The following OSBPL10 variants were observed in gnomAD, a reference collection of about 807,000 sequenced individuals.
OSBPL10 encodes oxysterol binding protein like 10.
OSBPL10 carries 49 observed loss-of-function variants against 81.7 expected under a neutral mutation model. The ratio of observed to expected loss-of-function variants is 0.60; its 90% CI spans 0.48 to 0.76. OSBPL10 has a LOEUF of 0.76. Among genes scored for constraint, OSBPL10 ranks in the 30% least tolerant of loss-of-function variants. The pLI is 0.00. For synonymous variants in OSBPL10, 419 were observed against 383.6 expected (o/e 1.09, Z -1.08); for missense variants, 923 against 987.8 (o/e 0.93, Z 0.88).
At chr3:31,734,094 C>G (rs1007536057) in intron 5 of OSBPL10, among the ~76,000 whole-genome samples, 1 of 152,084 alleles carries the variant, frequency 6.6e-6, no homozygotes, top group African/African-American at 2.4e-5. Flanking sequence ...GGTTTGAATT[C>G]TAAGTGACAC....
At chr3:31,797,916 C>T (rs2125442984) in intron 4 of OSBPL10, 1 of 398,000 alleles carries the variant, frequency 2.5e-6, no homozygotes, top group Admixed American at 2.8e-5. Context: ...CAACCTGGAA[C>T]CCACTACATT....
intron 2 of OSBPL10, among the ~76,000 whole-genome samples, chr3:32,041,242 C>T (rs1699572311): frequency 6.6e-6 from 1 of 152,130 alleles, no homozygotes; most frequent in Non-Finnish European, 1.5e-5. Flanking sequence ...GTTCCCACGC[C>T]CTGATGGAAT....
intron 4 of OSBPL10, among the ~76,000 whole-genome samples, chr3:31,780,837 C>G (rs946877377): frequency 4.0e-5 from 6 of 149,328 alleles, no homozygotes; most frequent in East Asian, 2.0e-4. Context: ...CCCCACCCCC[C>G]CAAAAAACAG....
chr3:31,682,130 T>A (rs1700665124), intron 8 of OSBPL10, among the ~76,000 whole-genome samples: 1 of 152,188 alleles, frequency 6.6e-6, no homozygotes, highest in Admixed American at 6.5e-5. Context: ...CTTCCTCCAC[T>A]ATTTTCCACC....
intron 1 of OSBPL10, among the ~76,000 whole-genome samples, chr3:31,964,349 G>C (rs1308839410): frequency 2.6e-5 from 4 of 152,088 alleles, no homozygotes; most frequent in Non-Finnish European, 5.9e-5. Flanking sequence ...TACAGACAGG[G>C]TTTAGCCAGG....
At chr3:31,950,933 G>A (rs1697851910) in intron 1 of OSBPL10, among the ~76,000 whole-genome samples, 1 of 152,174 alleles carries the variant, frequency 6.6e-6, no homozygotes, top group African/African-American at 2.4e-5. Flanking sequence ...TGCCTGTACA[G>A]TCTTCACAAC....
chr3:32,032,314 C>T (rs1699477273), intron 2 of OSBPL10, among the ~76,000 whole-genome samples: 1 of 151,966 alleles, frequency 6.6e-6, no homozygotes, highest in Non-Finnish European at 1.5e-5. Context: ...ACTCAGGAGG[C>T]TAAGGTGGGA....
chr3:31,979,763 C>T (rs1330415383), intron 1 of OSBPL10, among the ~76,000 whole-genome samples: 2 of 151,794 alleles, frequency 1.3e-5, no homozygotes, highest in Non-Finnish European at 2.9e-5. Context: ...CTGTTCTTGT[C>T]TTCCTCACGA....
In OSBPL10 at chr3:31,912,222, C is replaced by T. The variant is rs150938353; in HGVS notation, c.282-32392G>A. On this transcript the variant is annotated intron_variant, in intron 1 of 11. Coordinates refer to ENST00000396556, the MANE Select transcript of OSBPL10 (RefSeq NM_017784.5). ...CAGCCTGGCTAACACGGTGAAACTCCGTCTCTATTAAAAATACAAAAATTA... is the reference window on the plus strand; with the variant it reads ...CAGCCTGGCTAACACGGTGAAACTCTGTCTCTATTAAAAATACAAAAATTA... Among the ~76,000 whole-genome samples, 10 of 151,922 alleles carry T rather than the reference C, an allele frequency of 6.6e-5. No homozygotes were observed. The East Asian group carries it at 1.6e-3, about 24-fold the overall frequency.
chr3:31,747,266 C>T (rs1199606023), intron 5 of OSBPL10, among the ~76,000 whole-genome samples: 1 of 151,322 alleles, frequency 6.6e-6, no homozygotes, highest in African/African-American at 2.4e-5. Flanking sequence ...TGTAGTGAGC[C>T]GAGATTGTGC....
intron 1 of OSBPL10, among the ~76,000 whole-genome samples, chr3:32,070,458 T>A (rs1699820781): frequency 6.6e-6 from 1 of 152,146 alleles, no homozygotes; most frequent in Non-Finnish European, 1.5e-5. Context: ...CAAAGCCTCC[T>A]TCGTGTCTTC....
At position 31,923,262 on chromosome 3, in the gene OSBPL10, C is replaced by T. The variant is rs867618332; in HGVS notation, c.282-43432G>A. Among the ~76,000 whole-genome samples, 49 of 152,224 alleles carry T rather than the reference C, an allele frequency of 3.2e-4. No homozygotes were observed. In the Middle Eastern group the frequency reaches 0.01, roughly 32 times the overall value. ...CACCAATTTGGTTAATTAACATTGT[C>T]CCTGGTTAACATATGGCTGTTGTCC... On this transcript the variant is annotated intron_variant, in intron 1 of 11. Transcript: ENST00000396556.
chr3:32,044,379 T>A (rs1407029681), intron 2 of OSBPL10, among the ~76,000 whole-genome samples: 1 of 148,310 alleles, frequency 6.7e-6, no homozygotes, highest in Non-Finnish European at 1.5e-5. Context: ...ATATATATAA[T>A]AAATAATAAT....
chr3:31,700,654 G>T (rs1442347600), intron 7 of OSBPL10, among the ~76,000 whole-genome samples: 1 of 152,158 alleles, frequency 6.6e-6, no homozygotes, highest in East Asian at 1.9e-4. Flanking sequence ...CTCACTAATG[G>T]TTCATGACCC....
At chr3:31,783,052 TAAG>T (rs1698737793) in intron 4 of OSBPL10, among the ~76,000 whole-genome samples, 1 of 149,680 alleles carries the variant, frequency 6.7e-6, no homozygotes, top group South Asian at 2.1e-4. Flanking sequence ...GCCCATCAAT[TAAG>T]GAGTGGATGA....
At chr3:31,834,852 C>T (rs548951851) in intron 3 of OSBPL10, among the ~76,000 whole-genome samples, 1 of 152,240 alleles carries the variant, frequency 6.6e-6, no homozygotes, top group Admixed American at 6.5e-5. Flanking sequence ...AAGTCAACTG[C>T]CTGAGTTCAA....
intron 6 of OSBPL10, among the ~76,000 whole-genome samples, chr3:31,723,539 TACACACACACAC>T (rs35189802): frequency 1.6e-5 from 2 of 125,036 alleles, no homozygotes; most frequent in Non-Finnish European, 3.2e-5. Context: ...CTCTGTTTCT[TACACACACACAC>T]ACACACACAC....
intron 2 of OSBPL10, among the ~76,000 whole-genome samples, chr3:32,006,995 T>C (rs886342979): frequency 1.3e-5 from 2 of 152,162 alleles, no homozygotes; most frequent in East Asian, 1.9e-4. Flanking sequence ...CTCAAACTCC[T>C]AGCTTCAAGT....
intron 4 of OSBPL10, 67 bp downstream of exon 4, chr3:31,829,973 G>A (rs530315136): frequency 1.2e-5 from 18 of 1,449,608 alleles, no homozygotes; most frequent in South Asian, 8.3e-5. Context: ...AAGAGGAGTC[G>A]GCAGAGCGAC....
Sources: allele counts gnomAD v4.1 joint callset (sites outside exome capture counted in the v4.1 genomes callset), GRCh38; gene constraint gnomAD v4.1.1; transcripts MANE v1.5; gene names NCBI Gene and HGNC (gene_info 2026-07-23, HGNC 2026-07-21).